Variants in PLS1 observed in about 807,000 individuals in gnomAD.
PLS1 encodes plastin 1, also known as plastin-1.
In PLS1, 32 loss-of-function variants were observed where a neutral mutation model predicts 73.7. The observed-to-expected ratio is 0.43, with a 90% CI of 0.33 to 0.58. The LOEUF (loss-of-function observed/expected upper bound fraction) is 0.58. Ranked by LOEUF, PLS1 falls within the 20% of genes least tolerant of loss-of-function variation. The pLI, the probability that PLS1 is intolerant of heterozygous loss-of-function variation, is 0.04. For synonymous variants in PLS1, 217 were observed against 261.3 expected (o/e 0.83, Z 1.63); for missense variants, 633 against 740.5 (o/e 0.85, Z 1.68).
At chr3:142,598,152 T>C (rs1490915541) in intron 1 of PLS1, among the ~76,000 whole-genome samples, 5 of 152,202 alleles carry the variant, frequency 3.3e-5, no homozygotes, top group African/African-American at 9.7e-5. Flanking sequence ...CACTTACTAC[T>C]GTTGTTTGTG....
At chr3:142,632,196 A>G (rs1342185579) in intron 1 of PLS1, among the ~76,000 whole-genome samples, 1 of 152,166 alleles carries the variant, frequency 6.6e-6, no homozygotes, top group Non-Finnish European at 1.5e-5. Flanking sequence ...CAAAAATTAT[A>G]CACATTCAGT....
Position 142,684,143 on chromosome 3 carries a change from T to G in PLS1, c.717T>G (p.Phe239Leu). 1 of 1,614,144 alleles carries G rather than the reference T, an allele frequency of 6.2e-7. No individual in the cohort carries two copies. The highest frequency in any genetic ancestry group is 8.5e-7 in the Non-Finnish European group (1 of 1,180,012). The change falls in exon 7 of 16, where the codon TTT becomes TTG. Residue 239 changes from phenylalanine (F) to leucine (L), a missense_variant. Coordinates refer to ENST00000457734, the MANE Select transcript of PLS1 (RefSeq NM_001145319.2). ...LLWQIIKVGL[F>L]ADIEISRNEA... The stretch of plus-strand genomic sequence containing the variant: ...GGCAGATCATCAAAGTTGGCCTTTT[T>G]GCTGATATTGAGATTTCCAGGAATG...
chr3:142,698,771 T>G (rs1404944044), intron 12 of PLS1, among the ~76,000 whole-genome samples: 1 of 152,238 alleles, frequency 6.6e-6, no homozygotes, highest in African/African-American at 2.4e-5. Flanking sequence ...TAAAACCAGT[T>G]TGTCAATACA....
In PLS1 at chr3:142,612,780, A is replaced by T. The variant is rs549268886; in HGVS notation, c.-37+16271A>T. Among the ~76,000 whole-genome samples, 472 of 151,098 alleles carry T rather than the reference A, an allele frequency of 3.1e-3. 1 individual carries two copies. The highest frequency in any genetic ancestry group is 0.01 in the African/African-American group (432 of 41,238). ...TGAGCCTGTTTTATATTTAATTTTT[A>T]TTTTTTTTTGAGACAGAGTATCAGT... On this transcript the variant is annotated intron_variant, in intron 1 of 15. Transcript: ENST00000457734.
chr3:142,666,584 A>G (rs764116985), intron 2 of PLS1, among the ~76,000 whole-genome samples: 6 of 152,192 alleles, frequency 3.9e-5, no homozygotes, highest in Non-Finnish European at 8.8e-5. Context: ...CCTTTTGGCT[A>G]TTGTGAATAA....
At chr3:142,690,404 A>G (rs2038062399) in intron 10 of PLS1, among the ~76,000 whole-genome samples, 1 of 152,014 alleles carries the variant, frequency 6.6e-6, no homozygotes, top group Non-Finnish European at 1.5e-5. Context: ...TATTCTTTCC[A>G]TCTGGGTTGA....
At chr3:142,600,004 T>C (rs188707950) in intron 1 of PLS1, among the ~76,000 whole-genome samples, 1 of 152,186 alleles carries the variant, frequency 6.6e-6, no homozygotes, top group Admixed American at 6.5e-5. Context: ...TGCCTCAGCC[T>C]CCCAATGTGT....
chr3:142,632,146 A>G (rs2036578570), intron 1 of PLS1, among the ~76,000 whole-genome samples: 1 of 152,206 alleles, frequency 6.6e-6, no homozygotes, highest in South Asian at 2.1e-4. Context: ...TCCTTGACTT[A>G]CAGTGGTTCG....
chr3:142,642,293 T>C lies in PLS1; in HGVS notation c.-36-21909T>C, dbSNP rs538557782. Among the ~76,000 whole-genome samples the C allele has an allele frequency of 3.3e-5, 5 of 152,270 alleles. No homozygotes were observed. The South Asian group carries it at 8.3e-4, about 25-fold the overall frequency. On this transcript the variant is annotated intron_variant, in intron 1 of 15. Transcript: ENST00000457734. The stretch of plus-strand genomic sequence containing the variant: ...CATGATTTTTAATTACTATCTGATA[T>C]TCCTTTTATTGGGAGATTTACCATA...
intron 10 of PLS1, among the ~76,000 whole-genome samples, chr3:142,693,215 A>G (rs570588127): frequency 2.1e-4 from 32 of 152,326 alleles, no homozygotes; most frequent in African/African-American, 7.7e-4. Flanking sequence ...AGATAATGGC[A>G]TTGAAATCAC....
intron 1 of PLS1, among the ~76,000 whole-genome samples, chr3:142,653,624 A>C (rs1241117990): frequency 1.3e-5 from 2 of 152,098 alleles, no homozygotes; most frequent in Non-Finnish European, 2.9e-5. Flanking sequence ...TTGACATCCC[A>C]AAGTGCTGGG....
At chr3:142,679,033 G>A (rs2037788470) in intron 6 of PLS1, among the ~76,000 whole-genome samples, 1 of 151,514 alleles carries the variant, frequency 6.6e-6, no homozygotes, top group African/African-American at 2.4e-5. Flanking sequence ...GTGATGATGA[G>A]CATTTTTTCA....
chr3:142,677,995 G>T (rs2037758128), intron 5 of PLS1, 37 bp from the exon 6 acceptor site: 1 of 982,210 alleles, frequency 1.0e-6, no homozygotes, highest in Non-Finnish European at 1.5e-6. Context: ...AAAATTTCTT[G>T]GAGTATTAAA....
chr3:142,695,650 A>C (rs968740413), intron 11 of PLS1, among the ~76,000 whole-genome samples: 24 of 152,214 alleles, frequency 1.6e-4, no homozygotes, highest in Non-Finnish European at 1.6e-4. Context: ...TTTTGTTTAC[A>C]ATTTGAGTGT....
intron 1 of PLS1, among the ~76,000 whole-genome samples, chr3:142,639,685 T>C (rs983974935): frequency 1.3e-5 from 2 of 152,202 alleles, no homozygotes; most frequent in African/African-American, 4.8e-5. Flanking sequence ...CCCAACTAGT[T>C]TGAAAGCTCG....
intron 11 of PLS1, among the ~76,000 whole-genome samples, chr3:142,697,060 A>C (rs2038225660): frequency 6.6e-6 from 1 of 152,174 alleles, no homozygotes; most frequent in Non-Finnish European, 1.5e-5. Flanking sequence ...GGAGGAGAAA[A>C]GCCATATAAT....
chr3:142,618,305 G>T (rs912261231), intron 1 of PLS1, among the ~76,000 whole-genome samples: 4 of 152,030 alleles, frequency 2.6e-5, no homozygotes, highest in African/African-American at 9.7e-5. Flanking sequence ...CTGTTCTCTC[G>T]TGGACAATCC....
At chr3:142,664,619 T>G (rs1441803243) in intron 2 of PLS1, among the ~76,000 whole-genome samples, 1 of 152,202 alleles carries the variant, frequency 6.6e-6, no homozygotes, top group Non-Finnish European at 1.5e-5. Flanking sequence ...ATAAAAATAC[T>G]TCCTTGTGTA....
At chr3:142,652,355 T>A (rs1010882668) in intron 1 of PLS1, among the ~76,000 whole-genome samples, 3 of 152,252 alleles carry the variant, frequency 2.0e-5, no homozygotes, top group South Asian at 4.1e-4. Context: ...CTACTTTTTA[T>A]TGTGCATTGG....
Sources: gnomAD v4.1 joint callset for allele counts (sites outside exome capture counted in the v4.1 genomes callset) on GRCh38, gnomAD v4.1.1 for gene constraint, MANE v1.5 for transcripts, NCBI Gene and HGNC (gene_info 2026-07-23, HGNC 2026-07-21) for gene names.